Variants in HECTD4 observed in about 807,000 individuals in gnomAD.
HECTD4 encodes HECT domain E3 ubiquitin protein ligase 4.
HECTD4 carries 114 observed loss-of-function variants against 471.5 expected under a neutral mutation model. That is an observed-to-expected ratio of 0.24 (90% CI 0.21 to 0.28). The LOEUF (loss-of-function observed/expected upper bound fraction) is 0.28, where lower values mean the gene tolerates loss of function less well. HECTD4 is among the 10% of genes least tolerant of loss of function. HECTD4 has a pLI of 1.00. For missense variants in HECTD4, 3,866 were observed against 5,651.5 expected (o/e 0.68, Z 10.13); for synonymous variants, 2,012 against 2,256.0 (o/e 0.89, Z 3.07).
rs1393537735 is a variant in HECTD4, at chr12:112,248,497, T to C, written c.3966A>G (p.Pro1322=). The C allele has an allele frequency of 2.5e-6, 4 of 1,603,802 alleles. No homozygotes were observed. The African/African-American group carries it at 5.4e-5, about 22-fold the overall frequency. Residue 1322 remains proline, a synonymous_variant, in exon 26 of 76, where the codon CCA becomes CCG. Coordinates refer to ENST00000682272, the MANE Select transcript of HECTD4 (RefSeq NM_001388303.1). ...FRPSIKEVIQ[P]DVMEEMVVSC... ...ATACCACCATTTCCTCCATCACGTC[T>C]GGCTGAATCACTTCTCTGTGATCAC...
intron 1 of HECTD4, among the ~76,000 whole-genome samples, chr12:112,347,626 A>AT (rs1459753797): frequency 6.6e-6 from 1 of 152,238 alleles, no homozygotes; most frequent in Non-Finnish European, 1.5e-5. Context: ...GTTACCTAAT[A>AT]TTAACCATCA....
intron 1 of HECTD4, among the ~76,000 whole-genome samples, chr12:112,377,297 AC>A (rs1221827186): frequency 6.6e-6 from 1 of 151,848 alleles, no homozygotes; most frequent in African/African-American, 2.4e-5. Context: ...AAACAAAAAA[AC>A]GGAGCCCTCT....
chr12:112,178,721 A>G (rs2031553856), intron 64 of HECTD4, among the ~76,000 whole-genome samples: 2 of 152,166 alleles, frequency 1.3e-5, no homozygotes. Context: ...AGTCCCAGAT[A>G]CTCAGGAGGC....
chr12:112,371,835 G>A (rs2036678490), intron 1 of HECTD4, among the ~76,000 whole-genome samples: 2 of 142,912 alleles, frequency 1.4e-5, no homozygotes, highest in Admixed American at 7.2e-5. Context: ...GCGGTAAGCC[G>A]AGATTGTGCC....
rs2035337762 is a variant in HECTD4 at position 112,309,809 on chromosome 12, C to T, written c.917-140G>A. ...TTCTAAAATAAGAGCTTCAATGTGA[C>T]TTTCAGGGAAGATGGCTTGAGCCCC... is the stretch of plus-strand genomic sequence containing the variant. On this transcript the variant is annotated intron_variant, in intron 4 of 75. Coordinates refer to ENST00000682272, the MANE Select transcript of HECTD4 (RefSeq NM_001388303.1). The T allele has an allele frequency of 2.1e-5, 11 of 516,248 alleles. No individual in the cohort carries two copies. The South Asian group carries it at 3.7e-4, about 17-fold the overall frequency. 32.0% of individuals were successfully genotyped at this position (516,248 alleles called of 1,614,324 possible). A position where few individuals can be genotyped will look rare whatever the true frequency, so the allele number is the denominator to read the frequency against.
intron 38 of HECTD4, 135 bp downstream of exon 38, chr12:112,232,869 T>C (rs1052694498): frequency 1.4e-6 from 1 of 713,606 alleles, no homozygotes. Context: ...GTTAAGGCAC[T>C]GACTTCAATT....
chr12:112,205,313 A>C (rs576068252), intron 52 of HECTD4, among the ~76,000 whole-genome samples: 32 of 152,126 alleles, frequency 2.1e-4, no homozygotes, highest in Middle Eastern at 3.4e-3. Flanking sequence ...AGGTGCCTGT[A>C]ATCCCAGCCA....
chr12:112,370,924 G>T (rs7296970), intron 1 of HECTD4, among the ~76,000 whole-genome samples: 2,608 of 152,220 alleles, frequency 0.017, 27 homozygotes, highest in Non-Finnish European at 0.027. Flanking sequence ...TACAACTATT[G>T]ACTAAACATC....
intron 17 of HECTD4, chr12:112,261,631 G>C: frequency 2.1e-6 from 1 of 481,462 alleles, no homozygotes; most frequent in Non-Finnish European, 3.7e-6. Flanking sequence ...GTAGCAATTT[G>C]GGAGGCCAAG....
rs1743720056 is a variant in HECTD4 at position 112,264,178 on chromosome 12, A to T, written c.2654T>A (p.Val885Asp). Reference protein sequence around the residue: ...ASSCLRYLMAVQNHLLSNTIL... With the variant: ...ASSCLRYLMADQNHLLSNTIL... ...AGTGTTACTGAGAAGGTGATTCTGA[A>T]CTGCCATCAGATAGCGCAGGCAGGA... The change falls in exon 17 of 76, where the codon GTT becomes GAT. Residue 885 changes from valine (V) to aspartate (D), a missense_variant. Val to Asp is a radical substitution (Grantham distance 152). Around this residue, in one of 16 missense-constraint regions of HECTD4, gnomAD observed 525 missense variants for 672.6 expected, o/e 0.78. Coordinates refer to ENST00000682272, the MANE Select transcript of HECTD4 (RefSeq NM_001388303.1). 2 of 1,605,742 alleles carry T rather than the reference A, an allele frequency of 1.2e-6. No homozygotes were observed. The highest frequency in any genetic ancestry group is 2.7e-5 in the African/African-American group (2 of 74,826).
At chr12:112,320,599 C>T (rs114251237) in intron 1 of HECTD4, among the ~76,000 whole-genome samples, 232 of 151,678 alleles carry the variant, frequency 1.5e-3, no homozygotes, top group African/African-American at 5.5e-3. Context: ...TACTCAGGAC[C>T]CTGAGGCAGA....
intron 50 of HECTD4, among the ~76,000 whole-genome samples, chr12:112,209,327 G>GT (rs34447938): frequency 0.023 from 3,165 of 140,062 alleles, 65 homozygotes; most frequent in African/African-American, 0.052. Context: ...AATCATAAAA[G>GT]TTTTTTTTTT....
chr12:112,293,464 C>A (rs1029184109), intron 7 of HECTD4, among the ~76,000 whole-genome samples: 1 of 151,878 alleles, frequency 6.6e-6, no homozygotes, highest in South Asian at 2.1e-4. Flanking sequence ...ATTTATTGAA[C>A]CTGGGAGACA....
chr12:112,195,627 T>C (rs2032217769), intron 55 of HECTD4, among the ~76,000 whole-genome samples: 1 of 152,206 alleles, frequency 6.6e-6, no homozygotes. Flanking sequence ...GTAACTGCTA[T>C]GGATATGGGG....
At chr12:112,170,627 G>C in intron 68 of HECTD4, 175 bp from the exon 69 acceptor site, 3 of 692,202 alleles carry the variant, frequency 4.3e-6, no homozygotes, top group Non-Finnish European at 4.7e-6. Flanking sequence ...TATACCCTTT[G>C]TCATTCCCAG....
intron 1 of HECTD4, among the ~76,000 whole-genome samples, chr12:112,357,102 G>GA (rs776073293): frequency 6.6e-6 from 1 of 151,954 alleles, no homozygotes; most frequent in East Asian, 1.9e-4. Context: ...AGTGTTTTCT[G>GA]AAAAAAAGCA....
At chr12:112,198,023 A>G (rs2032298360) in intron 55 of HECTD4, among the ~76,000 whole-genome samples, 1 of 152,094 alleles carries the variant, frequency 6.6e-6, no homozygotes, top group Non-Finnish European at 1.5e-5. Context: ...TTTAGTAGAG[A>G]TGGGGTTTCA....
chr12:112,302,079 T>C, intron 7 of HECTD4: 1 of 1,378,144 alleles, frequency 7.3e-7, no homozygotes, highest in Non-Finnish European at 1.0e-6. Context: ...GTGGTGCAGG[T>C]CTTCCTGTGG....
chr12:112,365,023 T>C (rs2036532097), intron 1 of HECTD4, among the ~76,000 whole-genome samples: 1 of 152,226 alleles, frequency 6.6e-6, no homozygotes, highest in African/African-American at 2.4e-5. Context: ...ACTTTATTTA[T>C]GAAAACAGCT....
Sources: gnomAD v4.1 joint callset for allele counts (sites outside exome capture counted in the v4.1 genomes callset) on GRCh38, gnomAD v4.1.1 for gene constraint, gnomAD v4.1.1 regional missense constraint, MANE v1.5 for transcripts, NCBI Gene and HGNC (gene_info 2026-07-23, HGNC 2026-07-21) for gene names.